The following UBN2 variants were observed in gnomAD, a reference collection of about 807,000 sequenced individuals.
UBN2 encodes ubinuclein 2, also known as ubinuclein-2.
A neutral mutation model predicts 120.2 loss-of-function variants in UBN2; 35 were observed. That is an observed-to-expected ratio of 0.29 (90% CI 0.22 to 0.39). UBN2 has a LOEUF of 0.39. Ranked by LOEUF, UBN2 falls within the 10% of genes least tolerant of loss-of-function variation. UBN2 has a pLI of 1.00. For missense variants in UBN2, 1,693 were observed against 1,663.2 expected (o/e 1.02, Z -0.31); for synonymous variants, 661 against 648.7 (o/e 1.02, Z -0.29).
At chr7:139,316,175 TCTC>T in the UBN2 span, among the ~76,000 whole-genome samples, 1 of 150,258 alleles carries the variant, frequency 6.7e-6, no homozygotes, top group Non-Finnish European at 1.5e-5. Flanking sequence ...ATGGCTGTCA[TCTC>T]CTAGTAGGTA....
At position 139,300,878 on chromosome 7, in the gene UBN2, G is replaced by GAGCATCCAGAATAAATGCA. The variant is rs1798239505; in HGVS notation, c.*3047_*3065dup. 2 of 152,200 alleles carry GAGCATCCAGAATAAATGCA rather than the reference G, an allele frequency of 1.3e-5. No individual in the cohort carries two copies. Among genetic ancestry groups the GAGCATCCAGAATAAATGCA allele is most frequent in the Admixed American group, 1.3e-4 (2 of 15,280 alleles). The allele number at this position is 152,200 out of a possible 1,614,324, so 9.4% of individuals were successfully genotyped here. A position where few individuals can be genotyped will look rare whatever the true frequency, so the allele number is the denominator to read the frequency against. On this transcript the variant is annotated 3_prime_UTR_variant, in exon 18 of 18. Transcript: ENST00000473989. ...GGGAGCAAAGTGTCAAGCTCATTCA[G>GAGCATCCAGAATAAATGCA]AGCATCCAGAATAAATGCAAGCAAT...
chr7:139,232,461 T>C (rs1005259188), intron 1 of UBN2, among the ~76,000 whole-genome samples: 1 of 152,206 alleles, frequency 6.6e-6, no homozygotes, highest in African/African-American at 2.4e-5. Flanking sequence ...TGCTGAGGTG[T>C]GCTTGCGTGC....
At chr7:139,257,369 T>C (rs548116954) in intron 3 of UBN2, among the ~76,000 whole-genome samples, 46 of 152,312 alleles carry the variant, frequency 3.0e-4, no homozygotes, top group African/African-American at 1.0e-3. Flanking sequence ...TTTTAAAATA[T>C]GTGCTATTCT....
intron 1 of UBN2, 99 bp downstream of exon 1, chr7:139,232,051 C>T: frequency 4.9e-6 from 6 of 1,213,974 alleles, no homozygotes; most frequent in Non-Finnish European, 6.7e-6. Flanking sequence ...CCGAGCGCGT[C>T]CGGGTCGCCC....
At chr7:139,295,484 C>T (rs1284923371) in intron 17 of UBN2, among the ~76,000 whole-genome samples, 1 of 152,160 alleles carries the variant, frequency 6.6e-6, no homozygotes, top group Non-Finnish European at 1.5e-5. Flanking sequence ...AGGAATTAAA[C>T]AAGCAGGATT....
chr7:139,275,442 G>C (rs1339795130), intron 11 of UBN2, among the ~76,000 whole-genome samples: 1 of 151,882 alleles, frequency 6.6e-6, no homozygotes, highest in African/African-American at 2.4e-5. Flanking sequence ...AATTAGCCGG[G>C]CATGGTGGCG....
At chr7:139,282,901 C>T in intron 14 of UBN2, 123 bp from the exon 15 acceptor site, 1 of 919,566 alleles carries the variant, frequency 1.1e-6, no homozygotes, top group Non-Finnish European at 1.6e-6. Context: ...TTTTGATAGT[C>T]TCTGAAGATT....
In UBN2 at chr7:139,257,930, G is replaced by C. The variant is rs960784582; in HGVS notation, c.664-558G>C. On this transcript the variant is annotated intron_variant, in intron 3 of 17. Transcript: ENST00000473989. ...CCTCCTGAGTCGCTGGGCTTACTAC[G>C]CCCAGCTAATTTTTGGTATTTTCAG... is the stretch of plus-strand genomic sequence containing the variant. Among the ~76,000 whole-genome samples, 3 of 151,552 alleles carry C rather than the reference G, an allele frequency of 2.0e-5. No individual in the cohort carries two copies. In the South Asian group the frequency reaches 6.3e-4, roughly 32 times the overall value.
rs200992532 is a variant in UBN2, at chr7:139,254,854, CT to C, written c.663+2799del. Among the ~76,000 whole-genome samples the C allele has an allele frequency of 1.5e-4, 23 of 152,278 alleles. No individual in the cohort carries two copies. In the East Asian group the frequency reaches 4.4e-3, roughly 29 times the overall value. On this transcript the variant is annotated intron_variant, in intron 3 of 17. Coordinates refer to ENST00000473989, the MANE Select transcript of UBN2 (RefSeq NM_173569.4). ...GAAAGTACAGAGTTTCCATGAACACCTTGCCCGCATGCACACACTGCCTTCC... is the reference window on the plus strand; with the variant it reads ...GAAAGTACAGAGTTTCCATGAACACCTGCCCGCATGCACACACTGCCTTCC...
rs772537584 is a variant in UBN2, at chr7:139,283,090, A to C, written c.2185A>C (p.Thr729Pro). ...SLVASVSGPPTSSSTAAIAAA... is the reference protein window; with the variant it reads ...SLVASVSGPPPSSSTAAIAAA... The stretch of plus-strand genomic sequence containing the variant: ...GGTGGCTTCGGTTAGCGGTCCTCCA[A>C]CGAGCTCCAGCACAGCTGCCATTGC... The change falls in exon 15 of 18, where the codon ACG (threonine) becomes CCG (proline). Residue 729 changes from threonine to proline, a missense_variant. Transcript: ENST00000473989. The C allele has an allele frequency of 6.2e-7, 1 of 1,613,004 alleles. No individual in the cohort carries two copies. The highest frequency in any genetic ancestry group is 2.2e-5 in the East Asian group (1 of 44,888).
At chr7:139,269,162 C>T (rs1797187054) in intron 7 of UBN2, among the ~76,000 whole-genome samples, 1 of 152,104 alleles carries the variant, frequency 6.6e-6, no homozygotes. Flanking sequence ...TAAGCCGAGA[C>T]TGCACCATTG....
chr7:139,282,099 T>C (rs1054406079), intron 14 of UBN2, 44 bp downstream of exon 14: 4 of 1,584,352 alleles, frequency 2.5e-6, no homozygotes, highest in Non-Finnish European at 3.5e-6. Flanking sequence ...TATAACACTC[T>C]AGGTTTGTTT....
chr7:139,280,720 A>C (rs1290782791), intron 13 of UBN2, among the ~76,000 whole-genome samples: 1 of 152,186 alleles, frequency 6.6e-6, no homozygotes, highest in Non-Finnish European at 1.5e-5. Context: ...ATCTCGGCTC[A>C]CTGCAACCTC....
At chr7:139,271,523 T>G (rs1429826226) in intron 8 of UBN2, among the ~76,000 whole-genome samples, 1 of 151,758 alleles carries the variant, frequency 6.6e-6, no homozygotes, top group African/African-American at 2.4e-5. Flanking sequence ...AAGGCGGAGG[T>G]TGCAGTGAGC....
intron 2 of UBN2, among the ~76,000 whole-genome samples, chr7:139,238,339 G>T (rs1251677151): frequency 1.3e-5 from 2 of 152,144 alleles, no homozygotes; most frequent in African/African-American, 4.8e-5. Context: ...AGAATAGATT[G>T]GAATTGGAAT....
chr7:139,326,392 G>A, the UBN2 span, among the ~76,000 whole-genome samples: 1 of 152,154 alleles, frequency 6.6e-6, no homozygotes. Context: ...ACCTTCTGAG[G>A]AAGGACCTCC....
chr7:139,282,400 A>G (rs1797640988), intron 14 of UBN2, among the ~76,000 whole-genome samples: 1 of 152,200 alleles, frequency 6.6e-6, no homozygotes, highest in African/African-American at 2.4e-5. Context: ...CACAGCGGAC[A>G]CTTAGTGGAT....
At chr7:139,273,857 C>T in intron 10 of UBN2, 74 bp from the exon 11 acceptor site, 2 of 1,293,156 alleles carry the variant, frequency 1.5e-6, no homozygotes, top group East Asian at 5.3e-5. Context: ...GAATTTTTCA[C>T]ATAATCTGTA....
rs533625233 is a variant in UBN2 at position 139,305,996 on chromosome 7, A to T, written c.*8160A>T. 3 of 152,292 alleles carry T rather than the reference A, an allele frequency of 2.0e-5. No homozygotes were observed. The South Asian group carries it at 6.2e-4, about 32-fold the overall frequency. 9.4% of individuals were successfully genotyped at this position (152,292 alleles called of 1,614,324 possible). On this transcript the variant is annotated 3_prime_UTR_variant, in exon 18 of 18. Coordinates refer to ENST00000473989, the MANE Select transcript of UBN2 (RefSeq NM_173569.4). ...TTCCTCACAAAATTTTCTACACATT[A>T]TTTGTTCCCACTTTGCTAATAATAA...
Sources: allele counts gnomAD v4.1 joint callset (sites outside exome capture counted in the v4.1 genomes callset), GRCh38; gene constraint gnomAD v4.1.1; transcripts MANE v1.5; gene names NCBI Gene and HGNC (gene_info 2026-07-23, HGNC 2026-07-21).